Variants in SV2C observed in about 807,000 individuals in gnomAD.
SV2C encodes solute carrier family 22 member B3.
Under a neutral mutation model 79.7 loss-of-function variants are expected in SV2C, and 49 were observed. That is an observed-to-expected ratio of 0.61 (90% CI 0.49 to 0.78). The LOEUF is 0.78. Among genes scored for constraint, SV2C ranks in the 30% least tolerant of loss-of-function variants. The pLI, the probability that SV2C is intolerant of heterozygous loss-of-function variation, is 0.00. For synonymous variants in SV2C, 334 were observed against 333.2 expected, an observed-to-expected ratio of 1.00 and a Z score of -0.03; for missense variants, 833 against 912.9, an observed-to-expected ratio of 0.91 and a Z score of 1.13.
chr5:75,990,933 A>G, the SV2C span, among the ~76,000 whole-genome samples: 69,870 of 151,772 alleles, frequency 0.46, 16,801 homozygotes, highest in East Asian at 0.67. Flanking sequence ...TCTCCCATGA[A>G]GACTGCCAGG....
At chr5:75,982,079 G>T in the SV2C span, among the ~76,000 whole-genome samples, 1 of 117,424 alleles carries the variant, frequency 8.5e-6, no homozygotes, top group Non-Finnish European at 1.7e-5. Context: ...GGGGACTGTT[G>T]TGGGGTGGGG....
the SV2C span, among the ~76,000 whole-genome samples, chr5:75,884,532 G>C: frequency 3.9e-5 from 6 of 152,050 alleles, no homozygotes; most frequent in East Asian, 1.2e-3. Flanking sequence ...TAGTGTTGAT[G>C]GACTTGGTCA....
intron 1 of SV2C, among the ~76,000 whole-genome samples, chr5:76,119,699 T>C (rs1406385210): frequency 6.7e-6 from 1 of 149,234 alleles, no homozygotes; most frequent in African/African-American, 2.5e-5. Flanking sequence ...CTCAAAACCC[T>C]ATAGGGAAAA....
At chr5:75,925,920 A>C in the SV2C span, among the ~76,000 whole-genome samples, 1 of 152,122 alleles carries the variant, frequency 6.6e-6, no homozygotes, top group Non-Finnish European at 1.5e-5. Flanking sequence ...TCCATGAATC[A>C]CTTGGGTTTC....
the SV2C span, among the ~76,000 whole-genome samples, chr5:75,926,715 C>A: frequency 6.6e-6 from 1 of 152,170 alleles, no homozygotes; most frequent in Non-Finnish European, 1.5e-5. Flanking sequence ...TGCATATGAT[C>A]TGTATTCCTG....
At chr5:76,150,806 T>G (rs1050164075) in intron 2 of SV2C, among the ~76,000 whole-genome samples, 3 of 151,816 alleles carry the variant, frequency 2.0e-5, no homozygotes, top group African/African-American at 2.4e-5. Context: ...CTTGGCTAAT[T>G]TTTTTATTTT....
intron 2 of SV2C, among the ~76,000 whole-genome samples, chr5:76,148,128 G>T (rs1246070408): frequency 6.6e-6 from 1 of 152,180 alleles, no homozygotes; most frequent in Non-Finnish European, 1.5e-5. Context: ...GGCCAGATAT[G>T]TGGGGTGTCC....
chr5:75,964,556 G>A, the SV2C span, among the ~76,000 whole-genome samples: 8 of 152,214 alleles, frequency 5.3e-5, no homozygotes, highest in Admixed American at 2.6e-4. Context: ...CTCCTTCTCA[G>A]TCTCTTAGAC....
the SV2C span, among the ~76,000 whole-genome samples, chr5:75,856,442 C>T: frequency 6.6e-6 from 1 of 152,210 alleles, no homozygotes; most frequent in Non-Finnish European, 1.5e-5. Flanking sequence ...CACATTTTCA[C>T]CAGCATTTGT....
chr5:76,111,513 C>T (rs984885701), intron 1 of SV2C, among the ~76,000 whole-genome samples: 2 of 152,110 alleles, frequency 1.3e-5, no homozygotes, highest in South Asian at 2.1e-4. Context: ...CAGTGCATTT[C>T]CATTTAGAGA....
Position 76,295,917 on chromosome 5 carries a change from A to G in SV2C, c.1477A>G (p.Thr493Ala), listed in dbSNP as rs1189508530. ...INFTMENQIH[T>A]GMEYDNGRFI... is the part of the protein sequence containing the mutation. ...CTTTACAATGGAAAATCAGATTCAT[A>G]CTGGAATGGAATACGACAATGGCAG... is the stretch of plus-strand genomic sequence containing the variant. Residue 493 changes from threonine (T) to alanine (A), a missense_variant, in exon 9 of 13, where the codon ACT (threonine) becomes GCT (alanine). Physicochemically the swap from Thr to Ala is moderately conservative, Grantham distance 58. Coordinates refer to ENST00000502798, the MANE Select transcript of SV2C (RefSeq NM_014979.4). The G allele has an allele frequency of 6.2e-7, 1 of 1,610,718 alleles. No individual in the cohort carries two copies. The highest frequency in any genetic ancestry group is 8.5e-7 in the Non-Finnish European group (1 of 1,178,676).
chr5:76,129,815 C>T (rs1312839066), intron 1 of SV2C, among the ~76,000 whole-genome samples: 2 of 152,074 alleles, frequency 1.3e-5, no homozygotes, highest in South Asian at 2.1e-4. Flanking sequence ...TTTCAACTAA[C>T]CAGAATTTGG....
intron 4 of SV2C, among the ~76,000 whole-genome samples, chr5:76,226,152 T>C (rs1350691043): frequency 2.0e-5 from 3 of 152,138 alleles, no homozygotes; most frequent in Non-Finnish European, 2.9e-5. Flanking sequence ...TCTTCCTAGT[T>C]AGGTGGAGGG....
At chr5:75,974,951 A>G in the SV2C span, among the ~76,000 whole-genome samples, 25 of 152,162 alleles carry the variant, frequency 1.6e-4, no homozygotes, top group Non-Finnish European at 3.2e-4. Context: ...GGCAAGCAAC[A>G]GAGGCAAGAA....
At chr5:76,017,273 C>G in the SV2C span, among the ~76,000 whole-genome samples, 2 of 152,106 alleles carry the variant, frequency 1.3e-5, no homozygotes, top group Non-Finnish European at 2.9e-5. Context: ...ATTTTGTGGT[C>G]TATCACTGAA....
At chr5:76,150,787 A>G (rs6887382) in intron 2 of SV2C, among the ~76,000 whole-genome samples, 62,395 of 151,290 alleles carry the variant, frequency 0.41, 13,428 homozygotes, top group Middle Eastern at 0.5. Context: ...ACAGATGTGC[A>G]CTAACACGCT....
At chr5:76,059,046 A>T in the SV2C span, among the ~76,000 whole-genome samples, 9 of 152,110 alleles carry the variant, frequency 5.9e-5, no homozygotes, top group Admixed American at 6.6e-5. Flanking sequence ...ATTCTAGTCT[A>T]TTAAGGATGC....
the SV2C span, among the ~76,000 whole-genome samples, chr5:76,069,855 CACAA>C: frequency 2.3e-5 from 3 of 128,614 alleles, no homozygotes; most frequent in South Asian, 3.4e-4. Flanking sequence ...CATACACACA[CACAA>C]ACACACACAC....
chr5:76,039,287 T>C, the SV2C span, among the ~76,000 whole-genome samples: 3 of 152,178 alleles, frequency 2.0e-5, no homozygotes, highest in African/African-American at 7.2e-5. Flanking sequence ...AGCTCATATC[T>C]CCTTCATGGG....
Sources: gnomAD v4.1 joint callset for allele counts (sites outside exome capture counted in the v4.1 genomes callset) on GRCh38, gnomAD v4.1.1 for gene constraint, MANE v1.5 for transcripts, NCBI Gene and HGNC (gene_info 2026-07-23, HGNC 2026-07-21) for gene names.